Variants in CELF4 observed in about 807,000 individuals in gnomAD.
The protein encoded by CELF4 is CUGBP Elav-like family member 4.
CELF4 carries 18 observed loss-of-function variants against 59.9 expected under a neutral mutation model. The ratio of observed to expected loss-of-function variants is 0.30; its 90% confidence interval spans 0.21 to 0.45. The LOEUF (loss-of-function observed/expected upper bound fraction) is 0.45. CELF4 is among the 20% of genes least tolerant of loss of function. The pLI is 1.00. For synonymous variants in CELF4, 261 were observed against 267.1 expected (o/e 0.98, Z 0.22); for missense variants, 456 against 689.0 (o/e 0.66, Z 3.79).
At chr18:37,360,628 T>A (rs886747727) in intron 2 of CELF4, among the ~76,000 whole-genome samples, 2 of 152,198 alleles carry the variant, frequency 1.3e-5, no homozygotes, top group East Asian at 3.9e-4. Context: ...TCAGAGCCTG[T>A]CTGGAGGCAG....
chr18:37,353,065 C>T (rs1569567401), intron 2 of CELF4, among the ~76,000 whole-genome samples: 87 of 151,760 alleles, frequency 5.7e-4, no homozygotes, highest in Non-Finnish European at 5.9e-5. Context: ...ACTAAAAATA[C>T]AAAAAATTAG....
At chr18:37,281,449 T>C (rs1392259879) in intron 3 of CELF4, among the ~76,000 whole-genome samples, 2 of 152,198 alleles carry the variant, frequency 1.3e-5, no homozygotes, top group East Asian at 3.8e-4. Context: ...CCGCAGTAGA[T>C]TTTTACTATT....
intron 2 of CELF4, among the ~76,000 whole-genome samples, chr18:37,466,395 G>A (rs1370658787): frequency 6.6e-6 from 1 of 151,284 alleles, no homozygotes; most frequent in African/African-American, 2.4e-5. Context: ...ACTGTGGTAT[G>A]CTGGGAGCTT....
At chr18:37,357,146 A>C (rs3865393) in intron 2 of CELF4, among the ~76,000 whole-genome samples, 122,444 of 152,152 alleles carry the variant, frequency 0.8, 49,481 homozygotes, top group East Asian at 0.92. Flanking sequence ...GCAGCATCAG[A>C]GAAAGTTCCC....
chr18:37,565,611 C>T lies in CELF4; in HGVS notation c.31G>A (p.Gly11Arg). The change falls in exon 1 of 13, where the codon GGA (glycine) becomes AGA (arginine). Residue 11 changes from glycine to arginine, a missense_variant. Transcript: ENST00000420428. MYIKMATLAN[G>R]QADNASLSTN... is the part of the protein sequence containing the mutation. ...CTGAGGCTTGCGTTGTCAGCCTGTC[C>T]GTTTGCTAACGTGGCCATCTTTATA... The T allele has an allele frequency of 6.2e-7, 1 of 1,603,432 alleles. No individual in the cohort carries two copies. Among genetic ancestry groups the T allele is most frequent in the South Asian group, 1.1e-5 (1 of 90,040 alleles).
intron 2 of CELF4, among the ~76,000 whole-genome samples, chr18:37,377,644 G>A (rs971358014): frequency 6.6e-6 from 1 of 152,236 alleles, no homozygotes; most frequent in African/African-American, 2.4e-5. Context: ...CTGACCAGGA[G>A]CTTGCGACTG....
rs1368453841 is a variant in CELF4 at position 37,274,344 on chromosome 18, G to C, written c.768C>G (p.Ile256Met). 6.2e-7 allele frequency: 1 copy of C among 1,613,312 alleles called. No homozygotes were observed. ...CGTAGGCGCCGTAGGCCCCGAAAGG[G>C]ATGGCCATGGGGTTGAACATGCCCA... ...GQMGMFNPMA[I>M]PFGAYGAYAQ... The change falls in exon 6 of 13, where the codon ATC becomes ATG. Residue 256 changes from isoleucine to methionine, a missense_variant. Ile to Met is a conservative substitution (Grantham distance 10). Transcript: ENST00000420428.
chr18:37,502,723 C>T (rs557369733), intron 1 of CELF4, among the ~76,000 whole-genome samples: 1 of 152,316 alleles, frequency 6.6e-6, no homozygotes. Flanking sequence ...CTGTGCCCAG[C>T]TCCCTGTCTC....
chr18:37,377,635 T>C (rs1360161340), intron 2 of CELF4, among the ~76,000 whole-genome samples: 1 of 152,246 alleles, frequency 6.6e-6, no homozygotes, highest in Admixed American at 6.5e-5. Context: ...ATCTGGCTTC[T>C]GACCAGGAGC....
chr18:37,270,971 G>A, intron 7 of CELF4, 54 bp from the exon 8 acceptor site: 1 of 1,474,472 alleles, frequency 6.8e-7, no homozygotes, highest in East Asian at 2.4e-5. Flanking sequence ...GCAGAACAAA[G>A]GTGAGGAAGG....
At chr18:37,492,573 T>C (rs1569569638) in intron 1 of CELF4, among the ~76,000 whole-genome samples, 1 of 152,180 alleles carries the variant, frequency 6.6e-6, no homozygotes, top group Non-Finnish European at 1.5e-5. Context: ...TCCTGGTACC[T>C]TTTGAAGCAG....
intron 1 of CELF4, among the ~76,000 whole-genome samples, chr18:37,509,615 C>A (rs1603643014): frequency 6.6e-6 from 1 of 152,200 alleles, no homozygotes; most frequent in African/African-American, 2.4e-5. Flanking sequence ...CATTGACAAA[C>A]AATAAGAAGG....
chr18:37,286,454 G>T lies in CELF4; in HGVS notation c.449-11211C>A, dbSNP rs76753281. On this transcript the variant is annotated intron_variant, in intron 3 of 12. Coordinates refer to ENST00000420428, the MANE Select transcript of CELF4 (RefSeq NM_020180.4). ...AGCTGTGACCCAAATTTCCACAGTC[G>T]CACAGAGAGGGTGAGTGGGCATGGG... Among the ~76,000 whole-genome samples the T allele has an allele frequency of 8.2e-3, 1,249 of 152,222 alleles. 14 individuals are homozygous for T. The highest frequency in any genetic ancestry group is 0.029 in the African/African-American group (1,198 of 41,516).
At chr18:37,438,287 G>C (rs772770781) in intron 2 of CELF4, among the ~76,000 whole-genome samples, 1 of 152,190 alleles carries the variant, frequency 6.6e-6, no homozygotes, top group Non-Finnish European at 1.5e-5. Context: ...TAAATGATGT[G>C]ACTGGTGTTC....
intron 2 of CELF4, among the ~76,000 whole-genome samples, chr18:37,424,365 T>C (rs968669551): frequency 6.6e-6 from 1 of 151,826 alleles, no homozygotes; most frequent in Non-Finnish European, 1.5e-5. Flanking sequence ...ATGGTAGTGG[T>C]TTGCCAAGGA....
At chr18:37,422,418 C>G (rs115324497) in intron 2 of CELF4, among the ~76,000 whole-genome samples, 2,307 of 152,336 alleles carry the variant, frequency 0.015, 58 homozygotes, top group African/African-American at 0.049. Context: ...TCCCCTCCCC[C>G]AGCACACTTG....
chr18:37,558,105 G>A (rs893029023), intron 1 of CELF4, among the ~76,000 whole-genome samples: 2 of 147,750 alleles, frequency 1.4e-5, no homozygotes, highest in Admixed American at 6.9e-5. Flanking sequence ...AGGCTCAAGC[G>A]ATACTCCTGC....
chr18:37,262,138 T>A (rs1178906996), intron 10 of CELF4, among the ~76,000 whole-genome samples: 3 of 152,180 alleles, frequency 2.0e-5, no homozygotes, highest in Non-Finnish European at 4.4e-5. Context: ...GCTGCCAACC[T>A]CTGCTCATCC....
At chr18:37,312,137 A>AAGAAAAG (rs1569557797) in intron 3 of CELF4, among the ~76,000 whole-genome samples, 8 of 141,314 alleles carry the variant, frequency 5.7e-5, no homozygotes, top group Non-Finnish European at 1.1e-4. Flanking sequence ...AAAAGAAAAA[A>AAGAAAAG]AAAAAAAGAA....
Sources: allele counts gnomAD v4.1 joint callset (sites outside exome capture counted in the v4.1 genomes callset), GRCh38; gene constraint gnomAD v4.1.1; transcripts MANE v1.5; gene names NCBI Gene and HGNC (gene_info 2026-07-23, HGNC 2026-07-21).